NAV3: variants seen among roughly 807,000 people sequenced by gnomAD.
NAV3 encodes the protein pore membrane and/or filament interacting like protein 1.
NAV3 carries 87 observed loss-of-function variants against 244.7 expected under a neutral mutation model. That is an observed-to-expected ratio of 0.36 (90% CI 0.30 to 0.42). NAV3 has a LOEUF of 0.42. Ranked by LOEUF, NAV3 falls within the 20% of genes least tolerant of loss-of-function variation. NAV3 has a pLI of 1.00. For missense variants in NAV3, 2,663 were observed against 2,893.3 expected, an observed-to-expected ratio of 0.92 and a Z score of 1.83; for synonymous variants, 1,126 against 1,042.2, an observed-to-expected ratio of 1.08 and a Z score of -1.55.
chr12:78,118,213 A>G lies in NAV3; in HGVS notation c.2956A>G (p.Thr986Ala), dbSNP rs746054151. 2.3e-5 allele frequency: 37 copies of G among 1,613,876 alleles called. No homozygotes were observed. The highest frequency in any genetic ancestry group is 3.0e-5 in the Non-Finnish European group (35 of 1,179,988). The change falls in exon 14 of 40, where the codon ACA (threonine) becomes GCA (alanine). Residue 986 changes from threonine (T) to alanine (A), a missense_variant. Physicochemically the swap from Thr to Ala is moderately conservative, Grantham distance 58. Transcript: ENST00000397909. The part of the protein sequence containing the change: ...GQKASLSVSQ[T>A]GSWRRGMSAQ... ...GAAAGCTTCCCTGTCTGTTTCACAG[A>G]CAGGTTCCTGGAGAAGAGGCATGTC... is the stretch of plus-strand genomic sequence containing the variant.
intron 2 of NAV3, among the ~76,000 whole-genome samples, chr12:77,760,099 A>C (rs1490260444): frequency 3.3e-5 from 5 of 152,224 alleles, no homozygotes; most frequent in Admixed American, 3.3e-4. Context: ...TGGTGTTAGA[A>C]TATGCTTGAT....
At chr12:77,675,098 A>C (rs1874148327) in intron 2 of NAV3, among the ~76,000 whole-genome samples, 1 of 152,216 alleles carries the variant, frequency 6.6e-6, no homozygotes, top group East Asian at 1.9e-4. Context: ...CTTGAGGTAC[A>C]CAGGGCTTAT....
intron 2 of NAV3, among the ~76,000 whole-genome samples, chr12:77,629,842 C>A (rs915977686): frequency 1.3e-5 from 2 of 152,062 alleles, no homozygotes; most frequent in African/African-American, 4.8e-5. Context: ...AAAATTGGAA[C>A]AAAGCAGGCT....
chr12:77,661,664 T>C (rs936454776), intron 2 of NAV3, among the ~76,000 whole-genome samples: 1 of 152,088 alleles, frequency 6.6e-6, no homozygotes, highest in African/African-American at 2.4e-5. Flanking sequence ...TTCTGGATGT[T>C]TATAATCTTA....
intron 1 of NAV3, among the ~76,000 whole-genome samples, chr12:77,857,869 T>C (rs1878630918): frequency 6.6e-6 from 1 of 152,038 alleles, no homozygotes; most frequent in Middle Eastern, 3.2e-3. Context: ...TTTGTTATGT[T>C]TTTATGACAC....
At chr12:77,880,814 C>T (rs1298350716) in intron 1 of NAV3, among the ~76,000 whole-genome samples, 7 of 152,100 alleles carry the variant, frequency 4.6e-5, no homozygotes, top group Non-Finnish European at 7.4e-5. Context: ...CACAGAGCCT[C>T]GGTGTGTAGT....
At chr12:78,114,190 C>T (rs1955250717) in intron 12 of NAV3, among the ~76,000 whole-genome samples, 3 of 152,166 alleles carry the variant, frequency 2.0e-5, no homozygotes, top group Admixed American at 6.5e-5. Flanking sequence ...TGGTCAAAGC[C>T]ATTCAACAAG....
chr12:78,008,408 T>G (rs1874625180), intron 8 of NAV3, among the ~76,000 whole-genome samples: 1 of 152,164 alleles, frequency 6.6e-6, no homozygotes, highest in African/African-American at 2.4e-5. Flanking sequence ...CGATTAGAGA[T>G]ATGTCAGTAA....
At chr12:78,162,931 AATTACAT>A (rs1298951185) in intron 23 of NAV3, among the ~76,000 whole-genome samples, 1 of 124,570 alleles carries the variant, frequency 8.0e-6, no homozygotes, top group African/African-American at 2.8e-5. Context: ...TATATATATA[AATTACAT>A]ATTTATAAAT....
intron 12 of NAV3, among the ~76,000 whole-genome samples, chr12:78,112,155 C>G (rs770897772): frequency 2.0e-5 from 3 of 152,134 alleles, no homozygotes; most frequent in Non-Finnish European, 4.4e-5. Flanking sequence ...TCTGCCCATG[C>G]TGATAGAAAA....
intron 2 of NAV3, among the ~76,000 whole-genome samples, chr12:77,637,441 CATAAT>C (rs140720805): frequency 0.019 from 2,852 of 152,154 alleles, 67 homozygotes; most frequent in African/African-American, 0.051. Context: ...AATACTGAAA[CATAAT>C]ATAAATGTTT....
At position 78,058,991 on chromosome 12, in the gene NAV3, T is replaced by C. The variant is rs1883913414; in HGVS notation, c.2517-5T>C. On this transcript the variant is annotated splice_region_variant and splice_polypyrimidine_tract_variant and intron_variant, in intron 11 of 39. Transcript: ENST00000397909. Reference sequence around the variant, plus strand: ...TCTGTGAATTAATTAGACATTTCTTTTCAGGTACATGACAGATGGAGGACT... The same window carrying C: ...TCTGTGAATTAATTAGACATTTCTTCTCAGGTACATGACAGATGGAGGACT... 1.3e-6 allele frequency: 2 copies of C among 1,588,098 alleles called. No homozygotes were observed. Among genetic ancestry groups the C allele is most frequent in the Admixed American group, 1.8e-5 (1 of 54,486 alleles).
intron 5 of NAV3, among the ~76,000 whole-genome samples, chr12:77,985,257 G>A (rs1039812125): frequency 1.3e-5 from 2 of 152,164 alleles, no homozygotes; most frequent in African/African-American, 4.8e-5. Flanking sequence ...ATCGGAGGTG[G>A]TCAATAAAAG....
At chr12:78,123,040 A>G (rs1179458288) in intron 16 of NAV3, among the ~76,000 whole-genome samples, 1 of 152,120 alleles carries the variant, frequency 6.6e-6, no homozygotes, top group African/African-American at 2.4e-5. Context: ...TTATATATAT[A>G]TATAAACTTA....
chr12:77,756,125 T>C (rs189339165), intron 2 of NAV3, among the ~76,000 whole-genome samples: 30 of 152,296 alleles, frequency 2.0e-4, no homozygotes, highest in Admixed American at 9.8e-4. Flanking sequence ...CTTCTAGAAG[T>C]GAGTGAGGAC....
intron 2 of NAV3, among the ~76,000 whole-genome samples, chr12:77,797,524 GTTTT>G (rs33912743): frequency 1.9e-3 from 191 of 100,546 alleles, no homozygotes; most frequent in South Asian, 3.7e-3. Context: ...TCTTTAAAAA[GTTTT>G]TTTTTTTTTT....
intron 8 of NAV3, among the ~76,000 whole-genome samples, chr12:78,017,421 A>C (rs1188522145): frequency 6.6e-6 from 1 of 152,164 alleles, no homozygotes; most frequent in African/African-American, 2.4e-5. Context: ...TGACAGAGTG[A>C]GACCCTATCT....
At chr12:77,598,941 T>C (rs998995823) in intron 2 of NAV3, among the ~76,000 whole-genome samples, 2 of 151,954 alleles carry the variant, frequency 1.3e-5, no homozygotes, top group Non-Finnish European at 2.9e-5. Flanking sequence ...ACAACAAATC[T>C]CTAGAACATA....
chr12:77,691,331 ATGTGTG>A (rs371335111), intron 2 of NAV3, among the ~76,000 whole-genome samples: 679 of 65,584 alleles, frequency 0.01, 35 homozygotes, highest in East Asian at 0.095. Flanking sequence ...GTATTTGTGT[ATGTGTG>A]TATATATATA....
Sources: gnomAD v4.1 joint callset for allele counts (sites outside exome capture counted in the v4.1 genomes callset) on GRCh38, gnomAD v4.1.1 for gene constraint, MANE v1.5 for transcripts, NCBI Gene and HGNC (gene_info 2026-07-23, HGNC 2026-07-21) for gene names.